The following PTP4A2 variants were observed in gnomAD, a reference collection of about 807,000 sequenced individuals.
The protein encoded by PTP4A2 is protein tyrosine phosphatase 4A2, also known as protein tyrosine phosphatase type IVA 2.
In PTP4A2, 2 loss-of-function variants were observed where a neutral mutation model predicts 22.9. That is an observed-to-expected ratio of 0.09 (90% confidence interval 0.04 to 0.27). The LOEUF is 0.27. PTP4A2 is among the 10% of genes least tolerant of loss of function. The pLI is 1.00. For missense variants in PTP4A2, 103 were observed against 205.1 expected (o/e 0.50, Z 3.04); for synonymous variants, 68 against 69.1 (o/e 0.98, Z 0.08).
At chr1:31,915,795 G>T in intron 3 of PTP4A2, 100 bp downstream of exon 3, 1 of 734,554 alleles carries the variant, frequency 1.4e-6, no homozygotes, top group Non-Finnish European at 2.2e-6. Context: ...CCACAATATT[G>T]GGATTATAGG....
chr1:31,929,365 TA>T (rs1259888243), intron 1 of PTP4A2, among the ~76,000 whole-genome samples: 1 of 152,242 alleles, frequency 6.6e-6, no homozygotes, highest in African/African-American at 2.4e-5. Flanking sequence ...TGTTTTCAGT[TA>T]ATCTTTTAAA....
intron 1 of PTP4A2, among the ~76,000 whole-genome samples, chr1:31,937,393 C>G (rs907944236): frequency 5.9e-5 from 9 of 151,930 alleles, no homozygotes; most frequent in African/African-American, 1.9e-4. Context: ...CTCCCCAACC[C>G]AACACACCAG....
chr1:31,915,998 A>G lies in PTP4A2; in HGVS notation c.97-11T>C. 1.3e-6 allele frequency: 2 copies of G among 1,540,228 alleles called. No homozygotes were observed. Among genetic ancestry groups the G allele is most frequent in the Non-Finnish European group, 1.8e-6 (2 of 1,139,116 alleles). On this transcript the variant is annotated splice_polypyrimidine_tract_variant and intron_variant, in intron 2 of 5. Coordinates refer to ENST00000647444, the MANE Select transcript of PTP4A2 (RefSeq NM_080391.4). The stretch of plus-strand genomic sequence containing the variant: ...ATACTTCTTAAGTTCCTTTAAAAAA[A>G]AAAAAAATTATAATGGAACTTGTTT...
At chr1:31,928,163 A>C (rs1294047295) in intron 1 of PTP4A2, among the ~76,000 whole-genome samples, 1 of 147,638 alleles carries the variant, frequency 6.8e-6, no homozygotes, top group Non-Finnish European at 1.5e-5. Flanking sequence ...AATTAATATT[A>C]TATTATATAT....
chr1:31,934,059 A>C (rs904547660), intron 1 of PTP4A2: 1 of 152,190 alleles, frequency 6.6e-6, no homozygotes, highest in East Asian at 1.9e-4. Flanking sequence ...GGAGTTCAAG[A>C]CCAGCCTGGC....
Position 31,916,886 on chromosome 1 carries a change from A to G in PTP4A2, c.97-899T>C, listed in dbSNP as rs186626803. 1.3e-3 allele frequency among the ~76,000 whole-genome samples: 194 copies of G among 152,360 alleles called. 1 individual carries two copies. The highest frequency in any genetic ancestry group is 4.0e-3 in the African/African-American group (167 of 41,586). ...CAGTTATTAACAATTAAATGTTGTT[A>G]AATTCTTTTTGCTTATCTGTATCTT... On this transcript the variant is annotated intron_variant, in intron 2 of 5. Transcript: ENST00000647444.
At chr1:31,917,025 C>CT (rs1209602901) in intron 2 of PTP4A2, among the ~76,000 whole-genome samples, 1 of 152,176 alleles carries the variant, frequency 6.6e-6, no homozygotes, top group Non-Finnish European at 1.5e-5. Context: ...AGCCTTGCTC[C>CT]TTTAAAACTC....
chr1:31,937,288 G>T (rs188392910), intron 1 of PTP4A2, among the ~76,000 whole-genome samples: 1 of 152,034 alleles, frequency 6.6e-6, no homozygotes, highest in African/African-American at 2.4e-5. Context: ...TAAAATCCCA[G>T]AGCCAGAAGA....
At chr1:31,918,226 C>T (rs1217235084) in intron 2 of PTP4A2, among the ~76,000 whole-genome samples, 2 of 148,676 alleles carry the variant, frequency 1.3e-5, no homozygotes, top group Non-Finnish European at 3.0e-5. Flanking sequence ...TCCAGCCTGG[C>T]GAAGAGCGAG....
intron 1 of PTP4A2, among the ~76,000 whole-genome samples, chr1:31,934,211 T>A (rs1303903663): frequency 6.6e-6 from 1 of 151,988 alleles, no homozygotes; most frequent in East Asian, 1.9e-4. Flanking sequence ...TGAGCCAAGA[T>A]TGCACCACTG....
chr1:31,918,480 G>T (rs1651972803), intron 2 of PTP4A2, among the ~76,000 whole-genome samples: 1 of 152,158 alleles, frequency 6.6e-6, no homozygotes, highest in African/African-American at 2.4e-5. Context: ...ATGGTTTTTA[G>T]TGTCAGACAC....
chr1:31,917,102 G>A (rs1260915874), intron 2 of PTP4A2, among the ~76,000 whole-genome samples: 1 of 152,200 alleles, frequency 6.6e-6, no homozygotes, highest in East Asian at 1.9e-4. Context: ...CTTTTTTATA[G>A]TTGCAGGAGG....
intron 1 of PTP4A2, among the ~76,000 whole-genome samples, chr1:31,927,960 G>A (rs1299506952): frequency 6.6e-6 from 1 of 151,856 alleles, no homozygotes; most frequent in Non-Finnish European, 1.5e-5. Context: ...TTAGTAAAGC[G>A]TTTAATTAGT....
rs532843657 is a variant in PTP4A2, at chr1:31,912,304, T to C, written c.190-478A>G. Among the ~76,000 whole-genome samples the C allele has an allele frequency of 2.6e-5, 4 of 152,326 alleles. No individual in the cohort carries two copies. The South Asian group carries it at 8.3e-4, about 32-fold the overall frequency. On this transcript the variant is annotated intron_variant, in intron 3 of 5. Coordinates refer to ENST00000647444, the MANE Select transcript of PTP4A2 (RefSeq NM_080391.4). ...CAAGATAACTAAGTTATGACATCTT[T>C]AGAGAAAGGTTATCTGATAAGAAAT...
intron 5 of PTP4A2, 100 bp downstream of exon 5, chr1:31,909,938 G>C: frequency 1.8e-6 from 2 of 1,082,464 alleles, no homozygotes; most frequent in African/African-American, 1.6e-5. Context: ...GCCAAAAAAA[G>C]CAAATTATCC....
At chr1:31,937,096 G>C (rs1652966976) in intron 1 of PTP4A2, among the ~76,000 whole-genome samples, 1 of 152,202 alleles carries the variant, frequency 6.6e-6, no homozygotes, top group Non-Finnish European at 1.5e-5. Context: ...CTACAGGCCA[G>C]AGTGTAGGAT....
intron 1 of PTP4A2, among the ~76,000 whole-genome samples, chr1:31,920,536 CTTT>C (rs35696767): frequency 4.6e-5 from 6 of 130,232 alleles, no homozygotes; most frequent in Middle Eastern, 4.2e-3. Flanking sequence ...CTTCCATGAA[CTTT>C]TTTTTTTTTT....
At chr1:31,920,965 T>C (rs1652123325) in intron 1 of PTP4A2, among the ~76,000 whole-genome samples, 1 of 152,210 alleles carries the variant, frequency 6.6e-6, no homozygotes, top group Non-Finnish European at 1.5e-5. Context: ...AATCAAAATT[T>C]CACTTTGAGG....
chr1:31,923,350 T>C, intron 1 of PTP4A2, among the ~76,000 whole-genome samples: 1 of 142,832 alleles, frequency 7.0e-6, no homozygotes, highest in Admixed American at 7.1e-5. Context: ...TTTTTTTTTT[T>C]TTGAGACGGA....
Sources: allele counts gnomAD v4.1 joint callset (sites outside exome capture counted in the v4.1 genomes callset), GRCh38; gene constraint gnomAD v4.1.1; transcripts MANE v1.5; gene names NCBI Gene and HGNC (gene_info 2026-07-23, HGNC 2026-07-21).